The following STAG2 variants were observed in gnomAD, a reference collection of about 807,000 sequenced individuals.
The protein encoded by STAG2 is STAG2 cohesin complex component.
A neutral mutation model predicts 108.1 loss-of-function variants in STAG2; 14 were observed. The observed-to-expected ratio is 0.13, with a 90% CI of 0.09 to 0.20. STAG2 has a LOEUF of 0.20. Among genes scored for constraint, STAG2 ranks in the 10% least tolerant of loss-of-function variants. The probability of loss-of-function intolerance (pLI) is 1.00; values close to 1 mark genes in which losing one functional copy is unlikely to be tolerated. For missense variants in STAG2, 440 were observed against 940.9 expected (o/e 0.47, Z 6.96); for synonymous variants, 307 against 302.7 (o/e 1.01, Z -0.15).
intron 1 of STAG2, among the ~76,000 whole-genome samples, chrX:124,012,977 C>T (rs2056570707): frequency 9.0e-6 from 1 of 111,628 alleles, no homozygotes; most frequent in Admixed American, 9.6e-5. Context: ...CAACATCAAG[C>T]AGGATTATCC....
intron 5 of STAG2, among the ~76,000 whole-genome samples, chrX:124,034,923 A>T (rs1329140678): frequency 9.3e-6 from 1 of 107,744 alleles, no homozygotes; most frequent in Admixed American, 1.0e-4. Flanking sequence ...TCGAGACAAG[A>T]TCTCACTCTG....
At chrX:124,014,464 G>T (rs375440586) in intron 1 of STAG2, among the ~76,000 whole-genome samples, 1 of 110,370 alleles carries the variant, frequency 9.1e-6, no homozygotes, top group Non-Finnish European at 1.9e-5. Context: ...GGGTTTAAGC[G>T]ATTCTCATGC....
chrX:124,058,026 A>C (rs761438499), intron 15 of STAG2, 49 bp downstream of exon 15: 8 of 793,906 alleles, frequency 1.0e-5, no homozygotes, highest in Non-Finnish European at 1.3e-5. Context: ...AATTTTGGAA[A>C]AGGGGTTAAA....
rs35569156 is a variant in STAG2 at position 123,977,832 on chromosome X, GTTTTTTT to G, written c.-163+15997_-163+16003del. 7.9e-3 allele frequency among the ~76,000 whole-genome samples: 306 copies of G among 38,566 alleles called. 2 individuals are homozygous for G. The highest frequency in any genetic ancestry group is 0.034 in the African/African-American group (289 of 8,479). 33.5% of individuals were successfully genotyped at this position (38,566 alleles called of 115,157 possible). Reference sequence around the variant, plus strand: ...AACCCAGGCAATCTGGTTCCCAAGTGTTTTTTTTTTTTTTTTTTTTTTTTTTTGAGAT... The same window carrying G: ...AACCCAGGCAATCTGGTTCCCAAGTGTTTTTTTTTTTTTTTTTTTTGAGAT... On this transcript the variant is annotated intron_variant, in intron 1 of 34. Transcript: ENST00000371145.
At chrX:123,983,404 C>T (rs2054983605) in intron 1 of STAG2, among the ~76,000 whole-genome samples, 1 of 111,338 alleles carries the variant, frequency 9.0e-6, no homozygotes, top group Non-Finnish European at 1.9e-5. Context: ...AAGTTGCATT[C>T]AGTGGATAGC....
chrX:124,073,515 C>T (rs1297805076), intron 25 of STAG2, among the ~76,000 whole-genome samples: 6 of 111,403 alleles, frequency 5.4e-5, no homozygotes, highest in African/African-American at 2.0e-4. Context: ...CTAAATCTCC[C>T]AGGTACAAAT....
chrX:123,969,835 C>T (rs767746846), intron 1 of STAG2, among the ~76,000 whole-genome samples: 1 of 108,862 alleles, frequency 9.2e-6, no homozygotes, highest in Non-Finnish European at 1.9e-5. Context: ...TTGGTAGAGA[C>T]GGGATTTCCC....
intron 33 of STAG2, among the ~76,000 whole-genome samples, 180 bp from the exon 34 acceptor site, chrX:124,095,192 G>T (rs2059348780): frequency 8.9e-6 from 1 of 112,308 alleles, no homozygotes; most frequent in Non-Finnish European, 1.9e-5. Flanking sequence ...CTCCCAAAGT[G>T]CTGGGATTAC....
intron 6 of STAG2, 140 bp from the exon 7 acceptor site, chrX:124,042,429 T>G: frequency 2.4e-6 from 1 of 422,335 alleles, no homozygotes; most frequent in East Asian, 3.9e-5. Context: ...AGTATCATGG[T>G]AAAGATTATT....
intron 9 of STAG2, among the ~76,000 whole-genome samples, chrX:124,048,428 A>C (rs2057938521): frequency 9.0e-6 from 1 of 111,630 alleles, no homozygotes; most frequent in Non-Finnish European, 1.9e-5. Context: ...ACTACATTAC[A>C]GATTTCTTTA....
chrX:123,964,960 C>CTTTTT (rs33913146), intron 1 of STAG2, among the ~76,000 whole-genome samples: 2 of 80,143 alleles, frequency 2.5e-5, no homozygotes, highest in African/African-American at 4.8e-5. Context: ...AGGTAAGTGC[C>CTTTTT]TTTTTTTTTT....
chrX:124,027,893 T>A (rs1169723052), intron 4 of STAG2, among the ~76,000 whole-genome samples: 1 of 111,240 alleles, frequency 9.0e-6, no homozygotes, highest in Non-Finnish European at 1.9e-5. Context: ...TATTTGCTTT[T>A]TGTATAATGC....
At chrX:124,077,213 T>C (rs978256381) in intron 26 of STAG2, among the ~76,000 whole-genome samples, 14 of 111,361 alleles carry the variant, frequency 1.3e-4, no homozygotes, top group Admixed American at 3.8e-4. Flanking sequence ...TTGAAAATTA[T>C]TTTGGAACTT....
intron 1 of STAG2, among the ~76,000 whole-genome samples, chrX:123,972,899 A>C (rs997810460): frequency 9.1e-5 from 9 of 98,429 alleles, no homozygotes; most frequent in African/African-American, 1.1e-4. Context: ...AAAGAACCGA[A>C]TCAGCCTGGC....
intron 1 of STAG2, among the ~76,000 whole-genome samples, chrX:123,985,947 T>C (rs1313937176): frequency 9.2e-6 from 1 of 108,529 alleles, no homozygotes; most frequent in Non-Finnish European, 1.9e-5. Flanking sequence ...CACTGGGACA[T>C]ATATCCTGTG....
intron 14 of STAG2, among the ~76,000 whole-genome samples, chrX:124,057,523 G>A (rs1271948752): frequency 1.8e-5 from 2 of 112,340 alleles, no homozygotes; most frequent in East Asian, 5.5e-4. Context: ...ATGTATCATA[G>A]ATTTTTTAGC....
chrX:124,076,573 T>A, intron 26 of STAG2, 102 bp downstream of exon 26: 1 of 771,751 alleles, frequency 1.3e-6, no homozygotes, highest in Non-Finnish European at 1.8e-6. Flanking sequence ...ATTTCTAGTG[T>A]AAAAGAGTTG....
chrX:124,013,952 C>T (rs966269624), intron 1 of STAG2, among the ~76,000 whole-genome samples: 1 of 111,185 alleles, frequency 9.0e-6, no homozygotes, highest in African/African-American at 3.3e-5. Flanking sequence ...GTTCACAAGG[C>T]GTGCTAGGTT....
intron 23 of STAG2, among the ~76,000 whole-genome samples, chrX:124,067,508 G>A (rs1384320592): frequency 9.1e-6 from 1 of 110,428 alleles, no homozygotes; most frequent in African/African-American, 3.3e-5. Context: ...CAACTGATCC[G>A]CGCATTTTGG....
Sources: gnomAD v4.1 joint callset for allele counts (sites outside exome capture counted in the v4.1 genomes callset) on GRCh38, gnomAD v4.1.1 for gene constraint, MANE v1.5 for transcripts, NCBI Gene and HGNC (gene_info 2026-07-23, HGNC 2026-07-21) for gene names.